Variants in IRF2 observed in about 807,000 individuals in gnomAD.
The protein encoded by IRF2 is interferon regulatory factor 2.
Under a neutral mutation model 40.6 loss-of-function variants are expected in IRF2, and 15 were observed. The observed-to-expected ratio is 0.37, with a 90% CI of 0.25 to 0.57. The LOEUF (loss-of-function observed/expected upper bound fraction) is 0.57, where lower values mean the gene tolerates loss of function less well. Ranked by LOEUF, IRF2 falls within the 20% of genes least tolerant of loss-of-function variation. The pLI is 0.77. For synonymous variants in IRF2, 151 were observed against 165.5 expected, an observed-to-expected ratio of 0.91 and a Z score of 0.67; for missense variants, 317 against 455.7, an observed-to-expected ratio of 0.70 and a Z score of 2.77.
intron 1 of IRF2, among the ~76,000 whole-genome samples, chr4:184,446,137 A>G (rs930128723): frequency 2.6e-5 from 4 of 152,218 alleles, no homozygotes; most frequent in African/African-American, 4.8e-5. Flanking sequence ...AGGGTCCCCA[A>G]TAGGAACCAA....
intron 2 of IRF2, 107 bp downstream of exon 2, chr4:184,428,871 G>T: frequency 2.2e-6 from 2 of 910,984 alleles, no homozygotes; most frequent in Admixed American, 1.7e-5. Flanking sequence ...TTTTTGTCAT[G>T]AATAAGCCTA....
chr4:184,406,041 A>G (rs1260118475), intron 6 of IRF2, among the ~76,000 whole-genome samples: 2 of 152,094 alleles, frequency 1.3e-5, no homozygotes, highest in Non-Finnish European at 2.9e-5. Context: ...TTCACATCTC[A>G]TATGGAGTTT....
intron 6 of IRF2, among the ~76,000 whole-genome samples, chr4:184,405,603 C>T (rs993210700): frequency 3.3e-5 from 5 of 152,168 alleles, no homozygotes; most frequent in Admixed American, 1.3e-4. Flanking sequence ...GACATGATGA[C>T]ACTGGCATTC....
intron 5 of IRF2, among the ~76,000 whole-genome samples, chr4:184,411,118 C>T (rs896422813): frequency 1.6e-4 from 24 of 150,768 alleles, no homozygotes; most frequent in Non-Finnish European, 8.8e-5. Flanking sequence ...AGTGCAATGG[C>T]GTGATCTTGG....
At chr4:184,461,963 C>T (rs535581931) in intron 1 of IRF2, among the ~76,000 whole-genome samples, 1 of 152,256 alleles carries the variant, frequency 6.6e-6, no homozygotes, top group African/African-American at 2.4e-5. Flanking sequence ...AGTCCTGCCC[C>T]ACATCCCCAG....
In IRF2 at chr4:184,414,992, G is replaced by T. The variant is rs562187536; in HGVS notation, c.411+3175C>A. 2.6e-5 allele frequency among the ~76,000 whole-genome samples: 4 copies of T among 152,196 alleles called. 1 individual carries two copies. The South Asian group carries it at 8.3e-4, about 31-fold the overall frequency. ...GGGTGTTTTGATACACAATTAAAAA[G>T]TAATATATTAATAGCTAGTAATTGT... On this transcript the variant is annotated intron_variant, in intron 5 of 8. Transcript: ENST00000393593.
intron 7 of IRF2, among the ~76,000 whole-genome samples, chr4:184,396,017 C>T (rs1736441476): frequency 6.6e-6 from 1 of 152,190 alleles, no homozygotes; most frequent in Non-Finnish European, 1.5e-5. Context: ...GAAGTCTATT[C>T]TAAAGCTCCA....
chr4:184,425,273 T>C (rs555355082), intron 2 of IRF2, among the ~76,000 whole-genome samples: 1 of 152,234 alleles, frequency 6.6e-6, no homozygotes, highest in Admixed American at 6.5e-5. Flanking sequence ...AACATTAGGC[T>C]CTCAGTTAAG....
In IRF2 at chr4:184,401,643, C is replaced by T. The variant is rs539335877; in HGVS notation, c.530-2564G>A. The stretch of plus-strand genomic sequence containing the variant: ...CTCTAGTTTCCTCTGCCTCTTCCAG[C>T]CAAGTAAAATAAAATGGCAGGAAAA... On this transcript the variant is annotated intron_variant, in intron 6 of 8. Coordinates refer to ENST00000393593, the MANE Select transcript of IRF2 (RefSeq NM_002199.4). Among the ~76,000 whole-genome samples the T allele has an allele frequency of 2.0e-5, 3 of 152,264 alleles. No individual in the cohort carries two copies. In the East Asian group the frequency reaches 5.8e-4, roughly 29 times the overall value.
In IRF2 at chr4:184,455,731, A is replaced by G. The variant is rs114468938; in HGVS notation, c.-7+18648T>C. ...AACAAATGATAAGCAAAGGAAATAA[A>G]ATGACTACAAAAAGCATGCAACCTA... is the stretch of plus-strand genomic sequence containing the variant. On this transcript the variant is annotated intron_variant, in intron 1 of 8. Coordinates refer to ENST00000393593, the MANE Select transcript of IRF2 (RefSeq NM_002199.4). Among the ~76,000 whole-genome samples the G allele has an allele frequency of 4.1e-3, 617 of 152,312 alleles. 2 individuals are homozygous for G. Among genetic ancestry groups the G allele is most frequent in the African/African-American group, 0.014 (598 of 41,562 alleles).
chr4:184,396,194 A>C (rs1736448764), intron 7 of IRF2, among the ~76,000 whole-genome samples: 1 of 152,198 alleles, frequency 6.6e-6, no homozygotes, highest in South Asian at 2.1e-4. Context: ...ATTTAGGCAT[A>C]AACATTCTGC....
In IRF2 at chr4:184,408,441, A is replaced by G. The variant is rs1736943551; in HGVS notation, c.412-166T>C. ...TTTAAACTGGCCTGTTTTAAAGCACATTTCTGCCCAGGGTGCACTGCTGGG... is the reference window on the plus strand; with the variant it reads ...TTTAAACTGGCCTGTTTTAAAGCACGTTTCTGCCCAGGGTGCACTGCTGGG... On this transcript the variant is annotated intron_variant, in intron 5 of 8. Coordinates refer to ENST00000393593, the MANE Select transcript of IRF2 (RefSeq NM_002199.4). This position sits in a 1 kb window ranked among gnomAD's most constrained non-coding sequence, Gnocchi z 4.9. Among the ~76,000 whole-genome samples the G allele has an allele frequency of 6.6e-6, 1 of 152,026 alleles. No individual in the cohort carries two copies. Among genetic ancestry groups the G allele is most frequent in the Non-Finnish European group, 1.5e-5 (1 of 67,984 alleles).
chr4:184,397,186 C>G (rs753738667), intron 7 of IRF2, among the ~76,000 whole-genome samples: 1 of 152,178 alleles, frequency 6.6e-6, no homozygotes, highest in Non-Finnish European at 1.5e-5. Flanking sequence ...ATTCCACTTA[C>G]GCTCCTAGCA....
At chr4:184,412,612 T>G (rs79950992) in intron 5 of IRF2, among the ~76,000 whole-genome samples, 1,900 of 152,286 alleles carry the variant, frequency 0.012, 36 homozygotes, top group African/African-American at 0.043. Flanking sequence ...AACTGGACCT[T>G]GGCGAGTGCA....
At chr4:184,436,002 G>C (rs1738063011) in intron 1 of IRF2, among the ~76,000 whole-genome samples, 1 of 145,332 alleles carries the variant, frequency 6.9e-6, no homozygotes, top group Admixed American at 7.1e-5. Flanking sequence ...TTTTGAGACA[G>C]AGTCTCGCTC....
At chr4:184,389,110 T>C in intron 8 of IRF2, 44 bp from the exon 9 acceptor site, 4 of 1,588,700 alleles carry the variant, frequency 2.5e-6, no homozygotes, top group Non-Finnish European at 3.5e-6. Context: ...TCTCCTTCTA[T>C]TGGATGGCTT....
Position 184,388,997 on chromosome 4 carries a change from A to G in IRF2, c.811T>C (p.Ser271Pro), listed in dbSNP as rs1189689056. The G allele has an allele frequency of 8.1e-6, 13 of 1,614,178 alleles. No individual in the cohort carries two copies. The highest frequency in any genetic ancestry group is 9.3e-6 in the Non-Finnish European group (11 of 1,180,026). The change falls in exon 9 of 9, where the codon TCC becomes CCC. Residue 271 changes from serine (S) to proline (P), a missense_variant. Physicochemically the swap from Ser to Pro is moderately conservative, Grantham distance 74. Transcript: ENST00000393593. The surrounding 1 kb of genome is among the most constrained non-coding windows in gnomAD (Gnocchi z 4.6). The stretch of plus-strand genomic sequence containing the variant: ...GACGCCATGCCGGGCAGCAGGTAGG[A>G]GCCTCGAGTCCCCATGTTGCTGAGG... The part of the protein sequence containing the change: ...QYLSNMGTRG[S>P]YLLPGMASFV...
intron 7 of IRF2, among the ~76,000 whole-genome samples, chr4:184,394,723 C>G (rs1260462284): frequency 6.6e-6 from 1 of 152,134 alleles, no homozygotes; most frequent in African/African-American, 2.4e-5. Flanking sequence ...CCTCCCCCAC[C>G]CCATTATTCT....
At chr4:184,440,783 T>C (rs972303039) in intron 1 of IRF2, among the ~76,000 whole-genome samples, 1 of 152,214 alleles carries the variant, frequency 6.6e-6, no homozygotes, top group East Asian at 1.9e-4. Flanking sequence ...TCATACTCAC[T>C]TGGGTGTGAC....
Sources: gnomAD v4.1 joint callset for allele counts (sites outside exome capture counted in the v4.1 genomes callset) on GRCh38, gnomAD v4.1.1 for gene constraint, Gnocchi (gnomAD v3.1) non-coding constraint, MANE v1.5 for transcripts, NCBI Gene and HGNC (gene_info 2026-07-23, HGNC 2026-07-21) for gene names.